Variants in CDKAL1 observed in about 807,000 individuals in gnomAD.
The protein encoded by CDKAL1 is CDKAL1 threonylcarbamoyladenosine tRNA methylthiotransferase, also known as threonylcarbamoyladenosine tRNA methylthiotransferase.
In CDKAL1, 32 loss-of-function variants were observed where a neutral mutation model predicts 68.2. The ratio of observed to expected loss-of-function variants is 0.47; its 90% confidence interval spans 0.35 to 0.63. CDKAL1 has a LOEUF of 0.63. CDKAL1 is among the 30% of genes least tolerant of loss of function. CDKAL1 has a pLI of 0.00. For synonymous variants in CDKAL1, 234 were observed against 244.3 expected, an observed-to-expected ratio of 0.96 and a Z score of 0.39; for missense variants, 606 against 696.7, an observed-to-expected ratio of 0.87 and a Z score of 1.47.
chr6:21,125,243 T>G (rs1302633990), intron 13 of CDKAL1, among the ~76,000 whole-genome samples: 1 of 152,168 alleles, frequency 6.6e-6, no homozygotes, highest in Non-Finnish European at 1.5e-5. Context: ...GTTTTATAAG[T>G]GTTTGGTAGT....
intron 9 of CDKAL1, among the ~76,000 whole-genome samples, chr6:20,919,702 A>G (rs980807759): frequency 6.6e-6 from 1 of 152,182 alleles, no homozygotes; most frequent in Non-Finnish European, 1.5e-5. Flanking sequence ...ATAATCCTGT[A>G]CAATGGGCAT....
chr6:21,194,511 A>G (rs1778388905), intron 13 of CDKAL1, among the ~76,000 whole-genome samples: 1 of 152,212 alleles, frequency 6.6e-6, no homozygotes, highest in South Asian at 2.1e-4. Flanking sequence ...TCCTGAAGAT[A>G]TCTGTAGCCT....
intron 11 of CDKAL1, among the ~76,000 whole-genome samples, chr6:21,028,256 T>C (rs1050846682): frequency 1.3e-5 from 2 of 152,146 alleles, no homozygotes; most frequent in African/African-American, 4.8e-5. Flanking sequence ...CATTTAAGGG[T>C]TTTCTCTGTG....
At chr6:20,755,539 C>T (rs192258309) in intron 6 of CDKAL1, among the ~76,000 whole-genome samples, 1 of 152,242 alleles carries the variant, frequency 6.6e-6, no homozygotes, top group East Asian at 1.9e-4. Flanking sequence ...AACTTCGTCT[C>T]ATCTAAAATG....
chr6:20,872,994 T>G (rs1303702905), intron 9 of CDKAL1, among the ~76,000 whole-genome samples: 1 of 152,192 alleles, frequency 6.6e-6, no homozygotes, highest in Non-Finnish European at 1.5e-5. Flanking sequence ...GCATGTCTTA[T>G]AGGGAAGGGT....
chr6:21,046,748 C>A (rs201331), intron 11 of CDKAL1, among the ~76,000 whole-genome samples: 1 of 152,156 alleles, frequency 6.6e-6, no homozygotes, highest in South Asian at 2.1e-4. Context: ...TCTTGGCCAC[C>A]TGCCACCTCC....
intron 9 of CDKAL1, among the ~76,000 whole-genome samples, chr6:20,857,224 A>T (rs2150515848): frequency 6.6e-6 from 1 of 152,328 alleles, no homozygotes; most frequent in East Asian, 1.9e-4. Flanking sequence ...TAGATTGCTG[A>T]CTTTTAAAAA....
intron 9 of CDKAL1, among the ~76,000 whole-genome samples, chr6:20,952,744 C>T (rs1764594586): frequency 6.6e-6 from 1 of 152,224 alleles, no homozygotes; most frequent in South Asian, 2.1e-4. Context: ...CTACTGAAGC[C>T]CTCAGGTGCT....
At chr6:20,810,166 C>T (rs898539898) in intron 8 of CDKAL1, among the ~76,000 whole-genome samples, 2 of 151,944 alleles carry the variant, frequency 1.3e-5, no homozygotes, top group African/African-American at 4.8e-5. Flanking sequence ...GTATAATGAA[C>T]CCTCAAGTAC....
chr6:20,726,525 T>C (rs960801083), intron 5 of CDKAL1, among the ~76,000 whole-genome samples: 15 of 152,240 alleles, frequency 9.9e-5, no homozygotes, highest in African/African-American at 3.6e-4. Context: ...TTACTCTTTT[T>C]GTTGACAACA....
At chr6:20,719,925 C>A (rs1005353862) in intron 5 of CDKAL1, among the ~76,000 whole-genome samples, 1 of 152,158 alleles carries the variant, frequency 6.6e-6, no homozygotes, top group African/African-American at 2.4e-5. Context: ...TTTTAAAAAG[C>A]CTGGTACGTA....
chr6:20,970,443 T>C (rs1284337637), intron 10 of CDKAL1, among the ~76,000 whole-genome samples: 1 of 152,230 alleles, frequency 6.6e-6, no homozygotes, highest in South Asian at 2.1e-4. Context: ...GTTCTCATTG[T>C]TTTTATGAAG....
At position 21,232,021 on chromosome 6, in the gene CDKAL1, T is replaced by TTTTTTTTTTTTTTC; in HGVS notation, c.*985_*986insTTTTTTTTTTCTTT. ...TTTTTTTGTTTTTGTTTTTTTTTTT[T>TTTTTTTTTTTTTTC]TTTGAGTCAAGGTCTCACTCTGTCA... On this transcript the variant is annotated 3_prime_UTR_variant, in exon 16 of 16. Coordinates refer to ENST00000274695, the MANE Select transcript of CDKAL1 (RefSeq NM_017774.3). The TTTTTTTTTTTTTTC allele has an allele frequency of 6.7e-6, 1 of 149,958 alleles. No homozygotes were observed. Among genetic ancestry groups the TTTTTTTTTTTTTTC allele is most frequent in the African/African-American group, 2.4e-5 (1 of 40,924 alleles). 9.3% of individuals were successfully genotyped at this position (149,958 alleles called of 1,614,324 possible).
chr6:20,965,993 A>G (rs1377751656), intron 10 of CDKAL1, among the ~76,000 whole-genome samples: 1 of 152,226 alleles, frequency 6.6e-6, no homozygotes, highest in Non-Finnish European at 1.5e-5. Context: ...TAGCCTATGA[A>G]AGGCTACCTT....
At chr6:20,932,820 G>A (rs1306456358) in intron 9 of CDKAL1, among the ~76,000 whole-genome samples, 1 of 152,124 alleles carries the variant, frequency 6.6e-6, no homozygotes, top group Non-Finnish European at 1.5e-5. Context: ...AATCATATAA[G>A]CCTCATAGAA....
At chr6:21,085,854 G>C (rs1772664373) in intron 12 of CDKAL1, among the ~76,000 whole-genome samples, 1 of 152,194 alleles carries the variant, frequency 6.6e-6, no homozygotes, top group South Asian at 2.1e-4. Context: ...GATGAAATTA[G>C]TAAAAATATG....
rs144543248 is a variant in CDKAL1, at chr6:21,103,653, C to A, written c.1237-4748C>A. Among the ~76,000 whole-genome samples the A allele has an allele frequency of 2.4e-4, 36 of 152,272 alleles. 2 individuals carry two copies. In the Middle Eastern group the frequency reaches 0.031, roughly 129 times the overall value. On this transcript the variant is annotated intron_variant, in intron 12 of 15. Transcript: ENST00000274695. ...ATTACTTTTAAATATCCTCTCATCT[C>A]TGTGGCCTGTACTTTGGGATTAATG...
intron 4 of CDKAL1, among the ~76,000 whole-genome samples, chr6:20,643,380 T>G (rs1179047086): frequency 1.3e-5 from 2 of 152,242 alleles, no homozygotes; most frequent in Admixed American, 1.3e-4. Context: ...GTTTGTATAT[T>G]TATTTTATTA....
intron 4 of CDKAL1, among the ~76,000 whole-genome samples, chr6:20,590,809 A>G (rs1042351081): frequency 1.3e-5 from 2 of 152,176 alleles, no homozygotes; most frequent in African/African-American, 4.8e-5. Context: ...AAGTGCTGCA[A>G]TAAACATACA....
Sources: gnomAD v4.1 joint callset for allele counts (sites outside exome capture counted in the v4.1 genomes callset) on GRCh38, gnomAD v4.1.1 for gene constraint, MANE v1.5 for transcripts, NCBI Gene and HGNC (gene_info 2026-07-23, HGNC 2026-07-21) for gene names.